DDX49: variants seen among roughly 807,000 people sequenced by gnomAD.
The protein encoded by DDX49 is probable ATP-dependent RNA helicase DDX49.
DDX49 carries 50 observed loss-of-function variants against 56.3 expected under a neutral mutation model. The observed-to-expected ratio is 0.89, with a 90% confidence interval of 0.71 to 1.12. The LOEUF (loss-of-function observed/expected upper bound fraction) is 1.12. Ranked by LOEUF, DDX49 falls within the 50% of genes most tolerant of loss-of-function variation. The pLI is 0.00. For synonymous variants in DDX49, 269 were observed against 270.6 expected (o/e 0.99, Z 0.06); for missense variants, 614 against 650.5 (o/e 0.94, Z 0.61).
intron 2 of DDX49, 112 bp from the exon 3 acceptor site, chr19:18,921,551 T>C (rs370282742): frequency 2.0e-6 from 2 of 1,016,198 alleles, no homozygotes; most frequent in Non-Finnish European, 3.1e-6. Flanking sequence ...TGAACAGGAC[T>C]GGGCAAGTCA....
In DDX49 at chr19:18,927,835, T is replaced by G. The variant is rs772492036; in HGVS notation, c.1172T>G (p.Val391Gly). 2 of 1,613,786 alleles carry G rather than the reference T, an allele frequency of 1.2e-6. No homozygotes were observed. The highest frequency in any genetic ancestry group is 3.3e-5 in the Admixed American group (2 of 59,982). ...CAGATCCTCACACAGGTCAACGTGG[T>G]GCGAAGAGAGTGTGAGATCGTGAGT... ...VLQILTQVNV[V>G]RRECEIKLEA... The change falls in exon 11 of 13, where the codon GTG (valine) becomes GGG (glycine). Residue 391 changes from valine to glycine, a missense_variant. Transcript: ENST00000247003.
At chr19:18,921,202 C>T (rs1204262434) in intron 2 of DDX49, among the ~76,000 whole-genome samples, 1 of 150,374 alleles carries the variant, frequency 6.7e-6, no homozygotes, top group Non-Finnish European at 1.5e-5. Context: ...GGGACCTGGG[C>T]ATATTGGAGC....
chr19:18,925,396 T>C (rs766202158), intron 9 of DDX49, among the ~76,000 whole-genome samples: 3 of 151,230 alleles, frequency 2.0e-5, no homozygotes, highest in Non-Finnish European at 4.4e-5. Context: ...TTACTAAAAA[T>C]ACAAAAAAAT....
intron 2 of DDX49, among the ~76,000 whole-genome samples, chr19:18,921,342 T>C (rs1457312916): frequency 6.6e-6 from 1 of 152,084 alleles, no homozygotes; most frequent in African/African-American, 2.4e-5. Flanking sequence ...AGGCTGATGC[T>C]TGAGACCCTC....
In DDX49 at chr19:18,926,521, A is replaced by T. The variant is rs1324707964; in HGVS notation, c.1102+144A>T. 6 of 839,362 alleles carry T rather than the reference A, an allele frequency of 7.1e-6. No individual in the cohort carries two copies. The East Asian group carries it at 1.3e-4, about 19-fold the overall frequency. 52.0% of individuals were successfully genotyped at this position (839,362 alleles called of 1,614,324 possible). A position where few individuals can be genotyped will look rare whatever the true frequency, so the allele number is the denominator to read the frequency against. ...TAGGCTGGGGCTTCCTTCCCTAGGC[A>T]CCCCCAAAAGAAGTTCTTTTGCCCA... is the stretch of plus-strand genomic sequence containing the variant. On this transcript the variant is annotated intron_variant, in intron 10 of 12. Coordinates refer to ENST00000247003, the MANE Select transcript of DDX49 (RefSeq NM_019070.5).
At chr19:18,922,292 G>A (rs376016122) in intron 4 of DDX49, 34 bp from the exon 5 acceptor site, 229 of 1,596,172 alleles carry the variant, frequency 1.4e-4, no homozygotes, top group Non-Finnish European at 1.5e-4. Flanking sequence ...GGCCATGGAC[G>A]GCACCCTCAC....
chr19:18,925,682 G>A (rs1418945609), intron 9 of DDX49, among the ~76,000 whole-genome samples: 1 of 152,124 alleles, frequency 6.6e-6, no homozygotes, highest in South Asian at 2.1e-4. Context: ...CCCTGGGAGG[G>A]TGCACACACA....
chr19:18,920,863 C>T (rs1038535331), intron 2 of DDX49, 160 bp downstream of exon 2: 27 of 661,816 alleles, frequency 4.1e-5, no homozygotes, highest in South Asian at 6.9e-5. Context: ...AAGATGGCCC[C>T]GGTGCAGTGG....
At chr19:18,924,196 G>C in intron 6 of DDX49, 37 bp from the exon 7 acceptor site, 3 of 1,609,918 alleles carry the variant, frequency 1.9e-6, no homozygotes, top group Non-Finnish European at 2.5e-6. Flanking sequence ...CAGAACCTGA[G>C]AGCTGGAGGG....
At chr19:18,927,557 C>T (rs1363976380) in intron 10 of DDX49, among the ~76,000 whole-genome samples, 1 of 152,122 alleles carries the variant, frequency 6.6e-6, no homozygotes, top group Non-Finnish European at 1.5e-5. Context: ...CACTGCACTC[C>T]AGCTTGGGTG....
intron 7 of DDX49, 87 bp downstream of exon 7, chr19:18,924,395 G>A (rs2056944142): frequency 8.7e-6 from 12 of 1,383,112 alleles, no homozygotes; most frequent in East Asian, 2.4e-5. Context: ...TCTGCCGGGC[G>A]CCTTCTTCCT....
At chr19:18,923,805 GCCT>G (rs1461977429) in intron 6 of DDX49, among the ~76,000 whole-genome samples, 1 of 145,554 alleles carries the variant, frequency 6.9e-6, no homozygotes, top group Non-Finnish European at 1.5e-5. Flanking sequence ...CCCTCATCCT[GCCT>G]CTTTTTTTTT....
chr19:18,924,321 T>G lies in DDX49; in HGVS notation c.852+13T>G. 6.3e-7 allele frequency: 1 copy of G among 1,598,890 alleles called. No homozygotes were observed. ...CATGATGAAGCAGGTGAGGCCACCC[T>G]GGGGCCCGCCAGCCTCACCCTGGGA... is the stretch of plus-strand genomic sequence containing the variant. On this transcript the variant is annotated intron_variant, in intron 7 of 12. Coordinates refer to ENST00000247003, the MANE Select transcript of DDX49 (RefSeq NM_019070.5).
intron 6 of DDX49, among the ~76,000 whole-genome samples, chr19:18,923,807 CTCT>C (rs1203104377): frequency 6.8e-6 from 1 of 147,550 alleles, no homozygotes; most frequent in Non-Finnish European, 1.5e-5. Flanking sequence ...CTCATCCTGC[CTCT>C]TTTTTTTTTT....
In DDX49 at chr19:18,921,826, C is replaced by T. The variant is rs1568328251; in HGVS notation, c.326-17C>T. ...GGACCACCTGCCCAGCCCTGCCTCT[C>T]ATGCTCTGTCCCCCAGACATGGTGG... On this transcript the variant is annotated splice_polypyrimidine_tract_variant and intron_variant, in intron 3 of 12. Transcript: ENST00000247003. The T allele has an allele frequency of 6.2e-7, 1 of 1,614,012 alleles. No individual in the cohort carries two copies. The highest frequency in any genetic ancestry group is 1.7e-5 in the Admixed American group (1 of 60,024).
intron 10 of DDX49, among the ~76,000 whole-genome samples, chr19:18,926,676 C>T (rs1187464834): frequency 6.6e-6 from 1 of 152,166 alleles, no homozygotes; most frequent in African/African-American, 2.4e-5. Context: ...TTGACAGGGC[C>T]TGGCCTGCTA....
chr19:18,926,445 G>T (rs2056962457), intron 10 of DDX49, 68 bp downstream of exon 10: 2 of 1,237,242 alleles, frequency 1.6e-6, no homozygotes, highest in South Asian at 1.3e-5. Flanking sequence ...ACCTCGGGGT[G>T]AGACCCATTT....
At chr19:18,925,398 CA>C (rs904513397) in intron 9 of DDX49, among the ~76,000 whole-genome samples, 1 of 150,800 alleles carries the variant, frequency 6.6e-6, no homozygotes. Flanking sequence ...ACTAAAAATA[CA>C]AAAAAATTAG....
Position 18,922,634 on chromosome 19 carries a change from C to G in DDX49, c.666C>G (p.Arg222=). The change falls in exon 6 of 13, where the codon CGC becomes CGG. Residue 222 remains arginine, a synonymous_variant. Transcript: ENST00000247003. ...GCACCGTGGAGCAGCTGGACCAGCGCTACCTGCTGGTGCCTGAGAAGGTCA... is the reference window on the plus strand; with the variant it reads ...GCACCGTGGAGCAGCTGGACCAGCGGTACCTGCTGGTGCCTGAGAAGGTCA... The part of the protein sequence containing the change: ...PVSTVEQLDQ[R]YLLVPEKVKD... 1 of 1,613,878 alleles carries G rather than the reference C, an allele frequency of 6.2e-7. No homozygotes were observed. Among genetic ancestry groups the G allele is most frequent in the Non-Finnish European group, 8.5e-7 (1 of 1,179,982 alleles).
Sources: gnomAD v4.1 joint callset for allele counts (sites outside exome capture counted in the v4.1 genomes callset) on GRCh38, gnomAD v4.1.1 for gene constraint, MANE v1.5 for transcripts, NCBI Gene and HGNC (gene_info 2026-07-23, HGNC 2026-07-21) for gene names.